LYG2: variants seen among roughly 807,000 people sequenced by gnomAD.
The protein encoded by LYG2 is lysozyme g-like protein 2.
A neutral mutation model predicts 22.4 loss-of-function variants in LYG2; 25 were observed. That is an observed-to-expected ratio of 1.12 (90% confidence interval 0.81 to 1.56). The LOEUF is 1.56. Ranked by LOEUF, LYG2 falls within the 40% of genes most tolerant of loss-of-function variation. The probability of loss-of-function intolerance (pLI) is 0.00; values close to 1 mark genes in which losing one functional copy is unlikely to be tolerated. For missense variants in LYG2, 266 were observed against 269.5 expected (o/e 0.99, Z 0.09); for synonymous variants, 88 against 97.0 (o/e 0.91, Z 0.55).
At chr2:99,248,759 T>A (rs1366846550) in intron 3 of LYG2, among the ~76,000 whole-genome samples, 2 of 150,338 alleles carry the variant, frequency 1.3e-5, no homozygotes, top group African/African-American at 2.4e-5. Flanking sequence ...TAAAATAAAA[T>A]AAAAATAAAT....
rs1553520443 is a variant in LYG2, at chr2:99,243,491, C to CAT, written c.520+507_520+508insAT. On this transcript the variant is annotated intron_variant, in intron 6 of 6. Coordinates refer to ENST00000333017, the MANE Select transcript of LYG2 (RefSeq NM_175735.4). ...AAAAAACCTATGAGAGGTAGGCAAA[C>CAT]AGATAGATAGATAGATAGATAGATA... 36 of 1,302,534 alleles carry CAT rather than the reference C, an allele frequency of 2.8e-5. No individual in the cohort carries two copies. In the South Asian group the frequency reaches 4.3e-4, roughly 16 times the overall value. 80.7% of individuals were successfully genotyped at this position (1,302,534 alleles called of 1,614,324 possible).
Position 99,244,008 on chromosome 2 carries a change from G to A in LYG2, c.511C>T (p.His171Tyr). ...KKFPTWSVAQ[H>Y]LKGGLSAFKS... ...TCAGAATACAGCCTACCTTTGAGGTGCTGAGCAACACTCCACGTGGGGAAT... is the reference window on the plus strand; with the variant it reads ...TCAGAATACAGCCTACCTTTGAGGTACTGAGCAACACTCCACGTGGGGAAT... Residue 171 changes from histidine to tyrosine, a missense_variant, in exon 6 of 7, where the codon CAC becomes TAC. His to Tyr is a moderately conservative substitution (Grantham distance 83). Transcript: ENST00000333017. The A allele has an allele frequency of 6.2e-7, 1 of 1,614,088 alleles. No homozygotes were observed. Among genetic ancestry groups the A allele is most frequent in the Non-Finnish European group, 8.5e-7 (1 of 1,179,996 alleles).
chr2:99,255,033 T>G lies in LYG2; in HGVS notation c.-39A>C, dbSNP rs1426145178. 1 of 152,240 alleles carries G rather than the reference T, an allele frequency of 6.6e-6. No individual in the cohort carries two copies. The highest frequency in any genetic ancestry group is 1.9e-4 in the East Asian group (1 of 5,204). 9.4% of individuals were successfully genotyped at this position (152,240 alleles called of 1,614,324 possible). The stretch of plus-strand genomic sequence containing the variant: ...GCCAGCACTAACCTTGTTTGCAACC[T>G]TACAGAGAAAATCTCCCCTCTCTGT... On this transcript the variant is annotated 5_prime_UTR_variant, in exon 2 of 7. Transcript: ENST00000333017.
intron 1 of LYG2, 135 bp from the exon 2 acceptor site, chr2:99,255,272 C>G (rs1380554385): frequency 6.6e-6 from 1 of 152,198 alleles, no homozygotes; most frequent in African/African-American, 2.4e-5. Flanking sequence ...CTTTTCTTAC[C>G]TTCGTCCTGT....
At chr2:99,255,529 T>A (rs1472781412) in intron 1 of LYG2, among the ~76,000 whole-genome samples, 74 bp downstream of exon 1, 1 of 152,208 alleles carries the variant, frequency 6.6e-6, no homozygotes, top group Non-Finnish European at 1.5e-5. Flanking sequence ...AATTTGCGAA[T>A]AAGAAACAGA....
intron 3 of LYG2, among the ~76,000 whole-genome samples, chr2:99,250,165 G>T (rs1331541077): frequency 6.6e-6 from 1 of 152,026 alleles, no homozygotes; most frequent in Non-Finnish European, 1.5e-5. Context: ...TATGTTTGTG[G>T]TCCCTTTTGC....
At chr2:99,260,971 G>C in the LYG2 span, among the ~76,000 whole-genome samples, 1 of 152,316 alleles carries the variant, frequency 6.6e-6, no homozygotes, top group Non-Finnish European at 1.5e-5. Context: ...ATGTGGAAAA[G>C]CTACCCGGTA....
At chr2:99,257,244 TAA>T (rs773192818), upstream of LYG2, among the ~76,000 whole-genome samples, 1 of 152,234 alleles carries the variant, frequency 6.6e-6, no homozygotes, top group Non-Finnish European at 1.5e-5. Flanking sequence ...CAAATTAATA[TAA>T]GTTAACTAAG....
intron 3 of LYG2, among the ~76,000 whole-genome samples, chr2:99,250,578 G>A (rs895130592): frequency 1.3e-5 from 2 of 152,118 alleles, no homozygotes; most frequent in Non-Finnish European, 2.9e-5. Context: ...GTTTCAGCAT[G>A]TTAGCCAGGA....
rs1559205574 is a variant in LYG2 at position 99,246,710 on chromosome 2, T to G, written c.154A>C (p.Thr52Pro). ...TTCATCACACTGTTTGCATCACAAG[T>G]GGCCCCAGAGGTCTTCATGGTCATG... ...DIMTMKTSGA[T>P]CDANSVMNCG... is the part of the protein sequence containing the mutation. Residue 52 changes from threonine to proline, a missense_variant, in exon 4 of 7, where the codon ACT becomes CCT. Coordinates refer to ENST00000333017, the MANE Select transcript of LYG2 (RefSeq NM_175735.4). The G allele has an allele frequency of 6.2e-7, 1 of 1,614,094 alleles. No homozygotes were observed. Among genetic ancestry groups the G allele is most frequent in the Non-Finnish European group, 8.5e-7 (1 of 1,180,012 alleles).
chr2:99,244,029 G>A lies in LYG2; in HGVS notation c.490C>T (p.Pro164Ser). ...ERIKAIQKKF[P>S]TWSVAQHLKG... ...AGGTGCTGAGCAACACTCCACGTGG[G>A]GAATTTTTTCTGGATTGCCTTAATT... The change falls in exon 6 of 7, where the codon CCC becomes TCC. Residue 164 changes from proline (P) to serine (S), a missense_variant. By Grantham distance (74) the Pro-to-Ser change is moderately conservative. Coordinates refer to ENST00000333017, the MANE Select transcript of LYG2 (RefSeq NM_175735.4). 6.2e-7 allele frequency: 1 copy of A among 1,614,000 alleles called. No individual in the cohort carries two copies. The highest frequency in any genetic ancestry group is 2.2e-5 in the East Asian group (1 of 44,868).
chr2:99,242,461 G>C lies in LYG2; in HGVS notation c.542C>G (p.Ser181Ter). ...TGGGGTGGCAATCGCTTCAATTCCTGACTTAAAAGCTGAGAGACCACCTGA... is the reference window on the plus strand; with the variant it reads ...TGGGGTGGCAATCGCTTCAATTCCTCACTTAAAAGCTGAGAGACCACCTGA... Reference protein sequence around the residue: ...HLKGGLSAFKSGIEAIATPSD... With the variant: ...HLKGGLSAFK Residue 181 changes from serine (S) to a stop codon, truncating the protein, a stop_gained, in exon 7 of 7, where the codon TCA becomes TGA. Coordinates refer to ENST00000333017, the MANE Select transcript of LYG2 (RefSeq NM_175735.4). LOFTEE classifies it high-confidence loss of function. The C allele has an allele frequency of 6.2e-7, 1 of 1,611,652 alleles. No homozygotes were observed. The highest frequency in any genetic ancestry group is 1.1e-5 in the South Asian group (1 of 90,662).
chr2:99,245,170 G>T (rs1350014052), intron 5 of LYG2, 92 bp downstream of exon 5: 11 of 1,385,902 alleles, frequency 7.9e-6, no homozygotes, highest in Non-Finnish European at 1.1e-5. Flanking sequence ...GTATTTTGGG[G>T]CTTGGAAGCA....
At chr2:99,257,108 T>C (rs1378526517), upstream of LYG2, among the ~76,000 whole-genome samples, 4 of 152,198 alleles carry the variant, frequency 2.6e-5, no homozygotes, top group African/African-American at 9.6e-5. Flanking sequence ...AGAGCAATCA[T>C]TGCAACAGGT....
upstream of LYG2, among the ~76,000 whole-genome samples, chr2:99,256,955 G>C (rs1055138134): frequency 9.9e-5 from 15 of 152,204 alleles, no homozygotes; most frequent in African/African-American, 3.4e-4. Flanking sequence ...AGGAAACTGT[G>C]ACTCAGAGAA....
At chr2:99,243,343 G>T in intron 6 of LYG2, 2 of 1,181,936 alleles carry the variant, frequency 1.7e-6, no homozygotes, top group South Asian at 1.6e-5. Context: ...GAACTTGAGG[G>T]GGCCTGTGGT....
chr2:99,260,284 C>G (rs2094044943), upstream of LYG2, among the ~76,000 whole-genome samples: 1 of 152,128 alleles, frequency 6.6e-6, no homozygotes, highest in Admixed American at 6.5e-5. Context: ...TTTTTAAAAA[C>G]AGCTTGATTT....
At chr2:99,250,320 C>T (rs892948789) in intron 3 of LYG2, among the ~76,000 whole-genome samples, 2 of 149,850 alleles carry the variant, frequency 1.3e-5, no homozygotes, top group African/African-American at 4.9e-5. Flanking sequence ...AAACCACACT[C>T]AAAAGAAGAG....
At position 99,245,269 on chromosome 2, in the gene LYG2, A is replaced by T; in HGVS notation, c.374T>A (p.Leu125Ter). ...GWDHRGLKFG[L>*]MQLDKQTYHP... ...AAGTTTCTAGCTAAATACCTGCATC[A>T]AGCCAAATTTAAGTCCCCTGTGGTC... is the stretch of plus-strand genomic sequence containing the variant. The change falls in exon 5 of 7, where the codon TTG becomes TAG. Residue 125 changes from leucine (L) to a stop codon, truncating the protein, a stop_gained. Coordinates refer to ENST00000333017, the MANE Select transcript of LYG2 (RefSeq NM_175735.4). LOFTEE classifies it high-confidence loss of function. The T allele has an allele frequency of 6.2e-7, 1 of 1,603,970 alleles. No individual in the cohort carries two copies. The highest frequency in any genetic ancestry group is 8.5e-7 in the Non-Finnish European group (1 of 1,174,508).
Sources: gnomAD v4.1 joint callset for allele counts (sites outside exome capture counted in the v4.1 genomes callset) on GRCh38, gnomAD v4.1.1 for gene constraint, MANE v1.5 for transcripts, NCBI Gene and HGNC (gene_info 2026-07-23, HGNC 2026-07-21) for gene names.